RAD51B: variants seen among roughly 807,000 people sequenced by gnomAD.
RAD51B encodes the protein RAD51 paralog B.
A neutral mutation model predicts 42.2 loss-of-function variants in RAD51B; 38 were observed. That is an observed-to-expected ratio of 0.90 (90% CI 0.70 to 1.18). The LOEUF (loss-of-function observed/expected upper bound fraction) is 1.18, where lower values mean the gene tolerates loss of function less well. RAD51B is among the 50% of genes most tolerant of loss of function. The pLI, the probability that RAD51B is intolerant of heterozygous loss-of-function variation, is 0.00. For synonymous variants in RAD51B, 154 were observed against 145.2 expected, an observed-to-expected ratio of 1.06 and a Z score of -0.43; for missense variants, 373 against 400.7, an observed-to-expected ratio of 0.93 and a Z score of 0.59.
At chr14:67,990,863 ACCCTT>A (rs1381774674) in intron 7 of RAD51B, among the ~76,000 whole-genome samples, 1 of 152,180 alleles carries the variant, frequency 6.6e-6, no homozygotes, top group Non-Finnish European at 1.5e-5. Flanking sequence ...ATATCAAGCT[ACCCTT>A]TTTTTCTCAA....
intron 10 of RAD51B, among the ~76,000 whole-genome samples, chr14:68,584,285 C>A (rs1444159741): frequency 2.6e-5 from 4 of 152,178 alleles, no homozygotes; most frequent in Non-Finnish European, 5.9e-5. Flanking sequence ...CCCTCAGCTG[C>A]CGGAATCTAG....
At chr14:68,538,992 G>A (rs1040532113) in intron 10 of RAD51B, among the ~76,000 whole-genome samples, 14 of 152,130 alleles carry the variant, frequency 9.2e-5, no homozygotes, top group African/African-American at 3.4e-4. Context: ...CATTGTTTTT[G>A]CCTCTTTTCT....
chr14:68,197,751 C>T (rs1332231034), intron 7 of RAD51B, among the ~76,000 whole-genome samples: 1 of 152,046 alleles, frequency 6.6e-6, no homozygotes, highest in East Asian at 1.9e-4. Flanking sequence ...TATTGAATAC[C>T]TTTTCATGTG....
At chr14:67,906,179 T>C (rs1273031102) in intron 7 of RAD51B, among the ~76,000 whole-genome samples, 2 of 152,140 alleles carry the variant, frequency 1.3e-5, no homozygotes, top group Admixed American at 1.3e-4. Flanking sequence ...TTTAGTTTTG[T>C]TTATGTGATG....
intron 10 of RAD51B, chr14:68,562,083 G>C: frequency 1.0e-6 from 1 of 985,400 alleles, no homozygotes; most frequent in Non-Finnish European, 1.2e-6. Context: ...GTCCATAACT[G>C]TCCTAGAAAG....
chr14:67,989,654 AAAAG>A (rs1434672551), intron 7 of RAD51B, among the ~76,000 whole-genome samples: 11 of 150,590 alleles, frequency 7.3e-5, no homozygotes, highest in Admixed American at 3.3e-4. Flanking sequence ...AAAAAAAAAA[AAAAG>A]AAAGAAAGAA....
chr14:68,651,999 T>G (rs1346620210), intron 11 of RAD51B, among the ~76,000 whole-genome samples: 1 of 152,158 alleles, frequency 6.6e-6, no homozygotes, highest in Non-Finnish European at 1.5e-5. Context: ...GGGGCATGAG[T>G]TGGATTAGGC....
chr14:68,237,796 T>G (rs2080294487), intron 7 of RAD51B, among the ~76,000 whole-genome samples: 1 of 138,738 alleles, frequency 7.2e-6, no homozygotes, highest in African/African-American at 2.7e-5. Context: ...AGTGCAGTGG[T>G]GCAATCTCAG....
intron 9 of RAD51B, among the ~76,000 whole-genome samples, chr14:68,443,689 G>C (rs767768049): frequency 4.6e-5 from 7 of 152,048 alleles, no homozygotes; most frequent in Non-Finnish European, 7.4e-5. Context: ...ATTATGGCAG[G>C]GTGGTCTGAT....
intron 8 of RAD51B, among the ~76,000 whole-genome samples, chr14:68,294,139 A>G (rs1246449879): frequency 1.3e-5 from 2 of 152,226 alleles, no homozygotes; most frequent in African/African-American, 4.8e-5. Context: ...GGTTTATCTT[A>G]AGCAAAGAAG....
At chr14:68,024,098 T>C (rs777465592) in intron 7 of RAD51B, among the ~76,000 whole-genome samples, 3 of 152,200 alleles carry the variant, frequency 2.0e-5, no homozygotes, top group African/African-American at 4.8e-5. Context: ...ATTTATTGAA[T>C]AGGGAGTTCT....
intron 10 of RAD51B, among the ~76,000 whole-genome samples, chr14:68,585,948 G>A (rs1456733098): frequency 2.0e-5 from 3 of 152,144 alleles, no homozygotes; most frequent in South Asian, 4.1e-4. Flanking sequence ...TTTCATTAGC[G>A]TCGCCAAGGC....
chr14:68,633,529 G>A (rs1019028855), intron 10 of RAD51B, among the ~76,000 whole-genome samples: 2 of 152,174 alleles, frequency 1.3e-5, no homozygotes, highest in Admixed American at 6.5e-5. Flanking sequence ...CATCCTGACC[G>A]TGAGAGTGCA....
At chr14:68,126,949 A>T (rs2077773161) in intron 7 of RAD51B, among the ~76,000 whole-genome samples, 2 of 152,202 alleles carry the variant, frequency 1.3e-5, no homozygotes, top group Non-Finnish European at 2.9e-5. Context: ...AACTGAAATA[A>T]TTTATGTCTG....
intron 4 of RAD51B, among the ~76,000 whole-genome samples, chr14:67,835,593 A>G (rs1049757263): frequency 1.3e-5 from 2 of 151,706 alleles, no homozygotes; most frequent in African/African-American, 2.4e-5. Flanking sequence ...TGTAATATGT[A>G]TGCACATAAA....
intron 7 of RAD51B, among the ~76,000 whole-genome samples, chr14:68,164,234 A>T (rs975129105): frequency 6.6e-6 from 1 of 152,230 alleles, no homozygotes; most frequent in Non-Finnish European, 1.5e-5. Context: ...CCTTATTTAT[A>T]TAAATGCCTT....
At chr14:68,428,280 C>T (rs1051553380) in intron 9 of RAD51B, among the ~76,000 whole-genome samples, 2 of 152,054 alleles carry the variant, frequency 1.3e-5, no homozygotes, top group East Asian at 3.8e-4. Flanking sequence ...AATAATAATC[C>T]TTTGTGTGTC....
chr14:68,332,781 A>G (rs2082376162), intron 8 of RAD51B, among the ~76,000 whole-genome samples: 2 of 152,318 alleles, frequency 1.3e-5, no homozygotes, highest in East Asian at 1.9e-4. Flanking sequence ...TTCCAGTTCA[A>G]TTTAGTTTCA....
At chr14:68,648,336 CA>C (rs1162873841) in intron 10 of RAD51B, among the ~76,000 whole-genome samples, 1 of 140,624 alleles carries the variant, frequency 7.1e-6, no homozygotes, top group East Asian at 2.5e-4. Context: ...AGGGTGTGTG[CA>C]AGTTGATTTA....
Sources: allele counts gnomAD v4.1 joint callset (sites outside exome capture counted in the v4.1 genomes callset), GRCh38; gene constraint gnomAD v4.1.1; transcripts MANE v1.5; gene names NCBI Gene and HGNC (gene_info 2026-07-23, HGNC 2026-07-21).